FGF13: variants seen among roughly 807,000 people sequenced by gnomAD.
FGF13 encodes the protein fibroblast growth factor homologous factor 2.
A neutral mutation model predicts 19.5 loss-of-function variants in FGF13; 2 were observed. The ratio of observed to expected loss-of-function variants is 0.10; its 90% CI spans 0.04 to 0.32. The LOEUF (loss-of-function observed/expected upper bound fraction) is 0.32. Ranked by LOEUF, FGF13 falls within the 10% of genes least tolerant of loss-of-function variation. The pLI is 1.00. For synonymous variants in FGF13, 72 were observed against 76.9 expected (o/e 0.94, Z 0.33); for missense variants, 113 against 192.7 (o/e 0.59, Z 2.45).
intron 1 of FGF13, among the ~76,000 whole-genome samples, chrX:139,093,139 T>C (rs2083449047): frequency 8.9e-6 from 1 of 112,279 alleles, no homozygotes; most frequent in South Asian, 3.7e-4. Context: ...CACTATTTAC[T>C]AGAACCAATG....
chrX:138,922,387 T>G (rs1049185416), intron 1 of FGF13, among the ~76,000 whole-genome samples: 1 of 111,745 alleles, frequency 8.9e-6, no homozygotes, highest in Admixed American at 9.5e-5. Context: ...GTGAGTTATG[T>G]CAAGGTGGCC....
intron 2 of FGF13, among the ~76,000 whole-genome samples, chrX:138,863,293 A>G (rs188908097): frequency 4.0e-4 from 45 of 111,826 alleles, no homozygotes; most frequent in Non-Finnish European, 7.5e-4. Flanking sequence ...GATCTAGGAT[A>G]GTGCTTACTC....
intron 1 of FGF13, among the ~76,000 whole-genome samples, chrX:139,120,140 C>A (rs2083667591): frequency 1.8e-5 from 2 of 112,543 alleles, no homozygotes; most frequent in Non-Finnish European, 3.8e-5. Flanking sequence ...TTCCCCATAG[C>A]CTTCTGCCAA....
chrX:138,822,243 C>T (rs1037311826), intron 3 of FGF13, among the ~76,000 whole-genome samples: 6 of 112,199 alleles, frequency 5.3e-5, no homozygotes, highest in South Asian at 3.7e-4. Flanking sequence ...CTTACCTTTA[C>T]ATTGTTGCAC....
At chrX:139,164,546 C>T (rs1451069445) in intron 1 of FGF13, among the ~76,000 whole-genome samples, 1 of 109,562 alleles carries the variant, frequency 9.1e-6, no homozygotes, top group African/African-American at 3.3e-5. Flanking sequence ...CAAATTTTGC[C>T]GGGCGTCATG....
rs1355720439 is a variant in FGF13 at position 138,620,561 on chromosome X, GAAGA to G, written c.*12285_*12288del. ...ATCACAAAGAAAGACAGCAAGAGAG[GAAGA>G]AAGAAACAAAAAAACTTACAAAACA... is the stretch of plus-strand genomic sequence containing the variant. On this transcript the variant is annotated 3_prime_UTR_variant, in exon 5 of 5. Transcript: ENST00000315930. The G allele has an allele frequency of 1.8e-5, 2 of 110,338 alleles. No individual in the cohort carries two copies. Among genetic ancestry groups the G allele is most frequent in the Non-Finnish European group, 3.8e-5 (2 of 52,698 alleles). 9.1% of individuals were successfully genotyped at this position (110,338 alleles called of 1,213,427 possible).
intron 1 of FGF13, among the ~76,000 whole-genome samples, chrX:139,022,071 G>A (rs2092180191): frequency 1.8e-5 from 2 of 111,477 alleles, no homozygotes; most frequent in South Asian, 3.7e-4. Context: ...AATGGTTGAG[G>A]AGTAAGTGAG....
chrX:138,929,860 G>C lies in FGF13; in HGVS notation c.-112-65210C>G, dbSNP rs1219324673. 2.5e-3 allele frequency among the ~76,000 whole-genome samples: 40 copies of C among 16,024 alleles called. 1 individual carries two copies. In the Middle Eastern group the frequency reaches 0.089, roughly 36 times the overall value. The allele number at this position is 16,024 out of a possible 115,157, so 13.9% of individuals were successfully genotyped here. A position where few individuals can be genotyped will look rare whatever the true frequency, so the allele number is the denominator to read the frequency against. ...TTGTTGTGAACTGCCTTAGCTGTGT[G>C]TGTGTGTGTGTGTGTGTGTGTGTGT... is the stretch of plus-strand genomic sequence containing the variant. On this transcript the variant is annotated intron_variant, in intron 1 of 2. Transcript: ENST00000421460.
chrX:138,840,899 G>A (rs2091145897), intron 3 of FGF13, among the ~76,000 whole-genome samples: 2 of 111,029 alleles, frequency 1.8e-5, no homozygotes, highest in South Asian at 7.8e-4. Flanking sequence ...TTTGCATTAG[G>A]TTCATGAAAG....
At chrX:138,828,487 G>A (rs544584435) in intron 3 of FGF13, among the ~76,000 whole-genome samples, 7 of 107,579 alleles carry the variant, frequency 6.5e-5, no homozygotes, top group South Asian at 8.3e-4. Context: ...GGAGAATGGC[G>A]TGAACCCGGG....
rs190258203 is a variant in FGF13, at chrX:139,030,443, T to A, written c.-112-165793A>T. 6.8e-3 allele frequency among the ~76,000 whole-genome samples: 762 copies of A among 111,715 alleles called. 5 individuals are homozygous for A. Among genetic ancestry groups the A allele is most frequent in the Non-Finnish European group, 9.2e-3 (486 of 53,075 alleles). ...CTGCAAACGATGTGTAATTTAGGCA[T>A]CTGTTTCAGTTATCTACTGCTGTGT... is the stretch of plus-strand genomic sequence containing the variant. On this transcript the variant is annotated intron_variant, in intron 1 of 2. Transcript: ENST00000421460.
At chrX:139,178,182 G>T (rs1044192809) in intron 1 of FGF13, among the ~76,000 whole-genome samples, 1 of 112,289 alleles carries the variant, frequency 8.9e-6, no homozygotes, top group South Asian at 3.7e-4. Flanking sequence ...CACCTCATTA[G>T]ATAGTTCTGA....
chrX:138,932,524 G>A (rs1271595118), intron 1 of FGF13, among the ~76,000 whole-genome samples: 1 of 99,579 alleles, frequency 1.0e-5, no homozygotes, highest in African/African-American at 3.6e-5. Flanking sequence ...GGCGGGGGGT[G>A]GGGGTGTGCA....
chrX:138,882,688 T>C lies in FGF13; in HGVS notation c.-112-18038A>G, dbSNP rs925992795. Among the ~76,000 whole-genome samples, 14 of 111,966 alleles carry C rather than the reference T, an allele frequency of 1.3e-4. No homozygotes were observed. The East Asian group carries it at 2.8e-3, about 23-fold the overall frequency. ...TAGGACTCAGTTGGGCTGGTTTCAG[T>C]ACAGAAGTTAACCTGTTTAGTGCAG... On this transcript the variant is annotated intron_variant, in intron 1 of 2. Coordinates refer to the FGF13 transcript ENST00000421460.
intron 1 of FGF13, among the ~76,000 whole-genome samples, chrX:139,093,228 T>C (rs767299590): frequency 4.5e-5 from 5 of 111,750 alleles, no homozygotes; most frequent in Non-Finnish European, 7.5e-5. Context: ...AGGTGGAGGG[T>C]ATGGTTCTAG....
chrX:138,638,106 T>A (rs746889849), intron 3 of FGF13, among the ~76,000 whole-genome samples: 4 of 111,567 alleles, frequency 3.6e-5, no homozygotes, highest in Non-Finnish European at 7.5e-5. Context: ...TGGACTGCTG[T>A]CATAACATCC....
At chrX:139,157,795 A>T (rs767117447) in intron 1 of FGF13, among the ~76,000 whole-genome samples, 28 of 112,863 alleles carry the variant, frequency 2.5e-4, no homozygotes, top group African/African-American at 9.0e-4. Context: ...GGGCTGGAAG[A>T]AGTTACAGGA....
intron 1 of FGF13, among the ~76,000 whole-genome samples, chrX:139,181,604 T>A (rs1603232739): frequency 8.9e-6 from 1 of 112,503 alleles, no homozygotes; most frequent in Non-Finnish European, 1.9e-5. Context: ...CCAGCTATAG[T>A]CTGCCACTCC....
At chrX:138,768,736 AT>A (rs2090522653) in intron 3 of FGF13, among the ~76,000 whole-genome samples, 6 of 99,774 alleles carry the variant, frequency 6.0e-5, no homozygotes, top group African/African-American at 2.0e-4. Flanking sequence ...TTATATATAT[AT>A]GATATATATA....
Sources: allele counts gnomAD v4.1 joint callset (sites outside exome capture counted in the v4.1 genomes callset), GRCh38; gene constraint gnomAD v4.1.1; transcripts MANE v1.5; gene names NCBI Gene and HGNC (gene_info 2026-07-23, HGNC 2026-07-21).